SH3GL3: variants seen among roughly 807,000 people sequenced by gnomAD.
SH3GL3 encodes the protein endophilin-A3.
A neutral mutation model predicts 47.7 loss-of-function variants in SH3GL3; 33 were observed. That is an observed-to-expected ratio of 0.69 (90% CI 0.52 to 0.92). The LOEUF (loss-of-function observed/expected upper bound fraction) is 0.92. Ranked by LOEUF, SH3GL3 falls within the 40% of genes least tolerant of loss-of-function variation. The pLI, the probability that SH3GL3 is intolerant of heterozygous loss-of-function variation, is 0.00. For missense variants in SH3GL3, 363 were observed against 417.8 expected (o/e 0.87, Z 1.14); for synonymous variants, 155 against 148.8 (o/e 1.04, Z -0.30).
chr15:83,622,953 G>A (rs1056339040), downstream of SH3GL3, among the ~76,000 whole-genome samples: 2 of 152,244 alleles, frequency 1.3e-5, no homozygotes, highest in African/African-American at 2.4e-5. Flanking sequence ...CCATCAAAGC[G>A]ACACCATATT....
At chr15:83,515,855 G>A (rs1035549536) in intron 1 of SH3GL3, among the ~76,000 whole-genome samples, 2 of 152,088 alleles carry the variant, frequency 1.3e-5, no homozygotes, top group African/African-American at 2.4e-5. Context: ...ACACACACTC[G>A]TGAAGTTATG....
At chr15:83,617,250 T>C (rs1433343911) in intron 8 of SH3GL3, among the ~76,000 whole-genome samples, 1 of 152,234 alleles carries the variant, frequency 6.6e-6, no homozygotes, top group Admixed American at 6.5e-5. Context: ...GCCTTTCTTG[T>C]CCTGGTTTCT....
intron 8 of SH3GL3, among the ~76,000 whole-genome samples, chr15:83,594,044 T>A (rs1042172377): frequency 3.3e-5 from 5 of 152,168 alleles, no homozygotes; most frequent in Non-Finnish European, 7.3e-5. Context: ...GTCATGAACT[T>A]CTGGGCTCAA....
chr15:83,488,875 ATTT>A lies in SH3GL3; in HGVS notation c.45+41300_45+41302del. Among the ~76,000 whole-genome samples the A allele has an allele frequency of 1.3e-5, 2 of 152,176 alleles. 1 individual carries two copies. Among genetic ancestry groups the A allele is most frequent in the South Asian group, 4.1e-4 (2 of 4,822 alleles). ...ATAACTCTTGCTACCCCTTTCCTCC[ATTT>A]TTATTAGTTTTCATGGGGACTTAAG... On this transcript the variant is annotated intron_variant, in intron 1 of 8. Coordinates refer to ENST00000427482, the MANE Select transcript of SH3GL3 (RefSeq NM_003027.5).
chr15:83,537,586 G>T (rs2043969111), intron 1 of SH3GL3, among the ~76,000 whole-genome samples: 1 of 151,730 alleles, frequency 6.6e-6, no homozygotes, highest in African/African-American at 2.4e-5. Context: ...GATGGGGGTG[G>T]AGGGGCTCTG....
intron 1 of SH3GL3, among the ~76,000 whole-genome samples, chr15:83,456,659 G>T (rs2151495516): frequency 7.1e-6 from 1 of 141,702 alleles, no homozygotes; most frequent in South Asian, 2.5e-4. Flanking sequence ...GCCTCGCCCT[G>T]CTTCGGCTCG....
chr15:83,470,167 G>T (rs751103962), intron 1 of SH3GL3, among the ~76,000 whole-genome samples: 1 of 151,822 alleles, frequency 6.6e-6, no homozygotes, highest in Non-Finnish European at 1.5e-5. Flanking sequence ...ATTAATGCTC[G>T]CATAATATAT....
downstream of SH3GL3, among the ~76,000 whole-genome samples, chr15:83,618,898 C>T (rs1467262372): frequency 6.6e-6 from 1 of 152,218 alleles, no homozygotes; most frequent in African/African-American, 2.4e-5. Flanking sequence ...TCAAACATGA[C>T]ACGAATCCTC....
intron 1 of SH3GL3, among the ~76,000 whole-genome samples, chr15:83,501,000 C>T (rs1382472480): frequency 2.0e-5 from 3 of 152,146 alleles, no homozygotes; most frequent in Non-Finnish European, 4.4e-5. Context: ...ATTTCTTGTC[C>T]TCTGTGTATC....
intron 8 of SH3GL3, among the ~76,000 whole-genome samples, chr15:83,598,475 C>T (rs976802526): frequency 6.6e-6 from 1 of 152,172 alleles, no homozygotes; most frequent in Non-Finnish European, 1.5e-5. Context: ...TATTTGCAAC[C>T]TTAAAAAGTC....
intron 8 of SH3GL3, among the ~76,000 whole-genome samples, chr15:83,608,528 G>A (rs1474580633): frequency 6.6e-6 from 1 of 152,174 alleles, no homozygotes; most frequent in African/African-American, 2.4e-5. Context: ...TCTGCTATAA[G>A]AATTTGAGAT....
At chr15:83,485,434 C>T (rs191332854) in intron 1 of SH3GL3, among the ~76,000 whole-genome samples, 171 of 152,248 alleles carry the variant, frequency 1.1e-3, no homozygotes, top group Non-Finnish European at 1.8e-3. Flanking sequence ...TATTTCTCCT[C>T]TTTTTCCATT....
intron 1 of SH3GL3, among the ~76,000 whole-genome samples, chr15:83,521,055 C>A (rs556493068): frequency 6.6e-6 from 1 of 152,276 alleles, no homozygotes; most frequent in South Asian, 2.1e-4. Context: ...GTCCAGCTGG[C>A]CTCTTTCTGA....
intron 6 of SH3GL3, among the ~76,000 whole-genome samples, chr15:83,582,043 C>G (rs2059842152): frequency 6.6e-6 from 1 of 152,246 alleles, no homozygotes; most frequent in African/African-American, 2.4e-5. Flanking sequence ...CAGCCCTCCT[C>G]TTGGAGGAAA....
chr15:83,464,778 T>G (rs947653548), intron 1 of SH3GL3, among the ~76,000 whole-genome samples: 1 of 152,146 alleles, frequency 6.6e-6, no homozygotes, highest in Non-Finnish European at 1.5e-5. Flanking sequence ...GGCCATCATT[T>G]CTTGCCCCCA....
intron 1 of SH3GL3, among the ~76,000 whole-genome samples, chr15:83,521,545 A>C (rs2043204962): frequency 6.6e-6 from 1 of 152,196 alleles, no homozygotes; most frequent in Admixed American, 6.5e-5. Context: ...CAAGGCTAAA[A>C]GCAGGAACAC....
At chr15:83,474,801 T>A (rs2041018519) in intron 1 of SH3GL3, among the ~76,000 whole-genome samples, 1 of 152,150 alleles carries the variant, frequency 6.6e-6, no homozygotes, top group East Asian at 1.9e-4. Context: ...TGGCAGAATG[T>A]GAGAGCTCTG....
chr15:83,629,218 C>T, the SH3GL3 span, among the ~76,000 whole-genome samples: 1 of 152,104 alleles, frequency 6.6e-6, no homozygotes, highest in Non-Finnish European at 1.5e-5. Context: ...TCAAAATTGA[C>T]CAGCTTATTC....
chr15:83,493,809 T>C (rs2041975453), intron 1 of SH3GL3, among the ~76,000 whole-genome samples: 1 of 152,122 alleles, frequency 6.6e-6, no homozygotes, highest in South Asian at 2.1e-4. Context: ...TCAGGCCAGG[T>C]TGTGGGCCTT....
Sources: gnomAD v4.1 joint callset for allele counts (sites outside exome capture counted in the v4.1 genomes callset) on GRCh38, gnomAD v4.1.1 for gene constraint, MANE v1.5 for transcripts, NCBI Gene and HGNC (gene_info 2026-07-23, HGNC 2026-07-21) for gene names.